The following SERINC5 variants were observed in gnomAD, a reference collection of about 807,000 sequenced individuals.
SERINC5 encodes the protein serine incorporator 5, also known as chromosome 5 open reading frame 12.
In SERINC5, 41 loss-of-function variants were observed where a neutral mutation model predicts 63.1. That is an observed-to-expected ratio of 0.65 (90% CI 0.51 to 0.84). The LOEUF is 0.84. SERINC5 is among the 40% of genes least tolerant of loss of function. The probability of loss-of-function intolerance (pLI) is 0.00; values close to 1 mark genes in which losing one functional copy is unlikely to be tolerated. For synonymous variants in SERINC5, 222 were observed against 215.2 expected, an observed-to-expected ratio of 1.03 and a Z score of -0.28; for missense variants, 523 against 573.0, an observed-to-expected ratio of 0.91 and a Z score of 0.89.
chr5:80,218,316 G>A (rs1410341245), intron 1 of SERINC5, among the ~76,000 whole-genome samples: 1 of 152,138 alleles, frequency 6.6e-6, no homozygotes, highest in Non-Finnish European at 1.5e-5. Context: ...CAAGGTGGGC[G>A]GATCACCTGA....
intron 1 of SERINC5, among the ~76,000 whole-genome samples, chr5:80,251,655 G>A (rs576711712): frequency 5.3e-5 from 8 of 151,550 alleles, no homozygotes; most frequent in East Asian, 3.9e-4. Flanking sequence ...GCTTGGACCC[G>A]GGAGGCGGAG....
Position 80,155,393 on chromosome 5 carries a change from C to T in SERINC5, c.986+3443G>A, listed in dbSNP as rs371419632. ...CAGCCTGACCAACATGGTGAAACCCCGTCTCTACTAAAAATACAAAAATTA... is the reference window on the plus strand; with the variant it reads ...CAGCCTGACCAACATGGTGAAACCCTGTCTCTACTAAAAATACAAAAATTA... On this transcript the variant is annotated intron_variant, in intron 8 of 11. Transcript: ENST00000507668. Among the ~76,000 whole-genome samples the T allele has an allele frequency of 1.2e-4, 19 of 152,174 alleles. No individual in the cohort carries two copies. In the East Asian group the frequency reaches 1.4e-3, roughly 11 times the overall value.
At position 80,132,716 on chromosome 5, in the gene SERINC5, C is replaced by T. The variant is rs1315818794; in HGVS notation, c.1238+13374G>A. 5.9e-5 allele frequency among the ~76,000 whole-genome samples: 9 copies of T among 152,208 alleles called. No homozygotes were observed. In the East Asian group the frequency reaches 7.7e-4, roughly 13 times the overall value. ...TGGGGATCAAGTGATCCTCCTACCT[C>T]GGCCTCCCAATGTGCTGGGATTACA... is the stretch of plus-strand genomic sequence containing the variant. On this transcript the variant is annotated intron_variant, in intron 11 of 12. Transcript: ENST00000509193.
chr5:80,130,445 G>C (rs1744901659), intron 11 of SERINC5, among the ~76,000 whole-genome samples: 1 of 152,002 alleles, frequency 6.6e-6, no homozygotes, highest in Non-Finnish European at 1.5e-5. Flanking sequence ...TGTGTCTGTA[G>C]TCCCAGCTAC....
intron 1 of SERINC5, among the ~76,000 whole-genome samples, chr5:80,242,012 T>C (rs558975555): frequency 6.2e-4 from 94 of 151,462 alleles, no homozygotes; most frequent in Admixed American, 1.4e-3. Context: ...ATATCTGTAG[T>C]CCTAGCTCCT....
At chr5:80,189,741 T>C (rs1310821267) in intron 2 of SERINC5, among the ~76,000 whole-genome samples, 12 of 152,206 alleles carry the variant, frequency 7.9e-5, no homozygotes, top group Non-Finnish European at 1.6e-4. Context: ...AGAAGGGGTC[T>C]TGCTCTGTCC....
rs2112293042 is a variant in SERINC5, at chr5:80,143,277, A to T, written c.*386T>A. 1 of 1,004,290 alleles carries T rather than the reference A, an allele frequency of 1.0e-6. No individual in the cohort carries two copies. The highest frequency in any genetic ancestry group is 5.6e-5 in the Admixed American group (1 of 17,874). 62.2% of individuals were successfully genotyped at this position (1,004,290 alleles called of 1,614,324 possible). A position where few individuals can be genotyped will look rare whatever the true frequency, so the allele number is the denominator to read the frequency against. On this transcript the variant is annotated 3_prime_UTR_variant, in exon 12 of 12. Transcript: ENST00000507668. ...TTCTGTTAGGCGCTGGGGACTCAAG[A>T]TTTTGGCATGTTTTTCTATTCCGAG...
chr5:80,147,207 T>A, intron 10 of SERINC5, 38 bp downstream of exon 10: 1 of 1,568,430 alleles, frequency 6.4e-7, no homozygotes, highest in Non-Finnish European at 8.7e-7. Flanking sequence ...AGGTCTGCAG[T>A]GCCACACAGG....
intron 2 of SERINC5, among the ~76,000 whole-genome samples, chr5:80,202,580 T>C (rs779439906): frequency 4.6e-5 from 7 of 151,340 alleles, no homozygotes; most frequent in Non-Finnish European, 7.4e-5. Flanking sequence ...ATAGCAAAAT[T>C]GCACTTGTAC....
intron 1 of SERINC5, among the ~76,000 whole-genome samples, chr5:80,255,388 G>A (rs568940699): frequency 5.9e-5 from 9 of 152,152 alleles, no homozygotes; most frequent in African/African-American, 2.2e-4. Flanking sequence ...GTCAGGCTTC[G>A]AGACATTCTC....
chr5:80,205,703 T>C (rs2112498039), intron 1 of SERINC5, among the ~76,000 whole-genome samples: 1 of 152,264 alleles, frequency 6.6e-6, no homozygotes, highest in South Asian at 2.1e-4. Context: ...GGCTCAAAGC[T>C]TGGCTGGGTT....
intron 8 of SERINC5, among the ~76,000 whole-genome samples, chr5:80,155,053 G>T (rs765002188): frequency 1.3e-5 from 2 of 152,184 alleles, no homozygotes; most frequent in Non-Finnish European, 2.9e-5. Context: ...AGAGCTACAG[G>T]TATAGGCTCC....
At chr5:80,137,139 C>CAAAAAAAAAAAAAAA (rs869035894), downstream of SERINC5, among the ~76,000 whole-genome samples, 19 of 67,728 alleles carry the variant, frequency 2.8e-4, no homozygotes, top group Non-Finnish European at 4.4e-4. Context: ...GACCCTGTCT[C>CAAAAAAAAAAAAAAA]AAAAAAAAAA....
chr5:80,220,113 G>A (rs1450230343), intron 1 of SERINC5, among the ~76,000 whole-genome samples: 1 of 152,048 alleles, frequency 6.6e-6, no homozygotes, highest in Middle Eastern at 3.2e-3. Context: ...GGAGAGCAAG[G>A]CAGGAGAATC....
At chr5:80,170,957 A>G (rs893811385) in intron 5 of SERINC5, among the ~76,000 whole-genome samples, 1 of 152,184 alleles carries the variant, frequency 6.6e-6, no homozygotes, top group Admixed American at 6.5e-5. Flanking sequence ...GCTATGAGCC[A>G]TGACTGTACT....
intron 11 of SERINC5, among the ~76,000 whole-genome samples, chr5:80,131,645 G>A (rs535522538): frequency 1.8e-4 from 27 of 152,152 alleles, no homozygotes; most frequent in Non-Finnish European, 3.5e-4. Context: ...GGTCATGCAG[G>A]GTTTTGTAGA....
chr5:80,137,932 T>C (rs920138033), downstream of SERINC5, among the ~76,000 whole-genome samples: 5 of 151,748 alleles, frequency 3.3e-5, no homozygotes, highest in African/African-American at 1.2e-4. Flanking sequence ...AGTGAGACTC[T>C]GTCTCAAAAA....
At chr5:80,192,705 T>C (rs897148116) in intron 2 of SERINC5, among the ~76,000 whole-genome samples, 5 of 152,154 alleles carry the variant, frequency 3.3e-5, no homozygotes, top group African/African-American at 1.2e-4. Flanking sequence ...GCAGAGACTG[T>C]CTCGCTGAAA....
At chr5:80,185,276 C>T (rs756099656) in intron 2 of SERINC5, among the ~76,000 whole-genome samples, 4 of 152,122 alleles carry the variant, frequency 2.6e-5, no homozygotes, top group Admixed American at 6.6e-5. Context: ...GAATAAACAG[C>T]TCATAAGACT....
Sources: allele counts gnomAD v4.1 joint callset (sites outside exome capture counted in the v4.1 genomes callset), GRCh38; gene constraint gnomAD v4.1.1; transcripts MANE v1.5; gene names NCBI Gene and HGNC (gene_info 2026-07-23, HGNC 2026-07-21).